The following EXTL3 variants were observed in gnomAD, a reference collection of about 807,000 sequenced individuals.
EXTL3 encodes the protein exostosin like glycosyltransferase 3, also known as exostosin-like 3.
Under a neutral mutation model 69.3 loss-of-function variants are expected in EXTL3, and 27 were observed. The ratio of observed to expected loss-of-function variants is 0.39; its 90% confidence interval spans 0.29 to 0.54. The LOEUF is 0.54. Among genes scored for constraint, EXTL3 ranks in the 20% least tolerant of loss-of-function variants. The probability of loss-of-function intolerance (pLI) is 0.69; values close to 1 mark genes in which losing one functional copy is unlikely to be tolerated. For missense variants in EXTL3, 1,003 were observed against 1,231.8 expected, an observed-to-expected ratio of 0.81 and a Z score of 2.78; for synonymous variants, 511 against 499.4, an observed-to-expected ratio of 1.02 and a Z score of -0.31.
At chr8:28,746,817 A>G (rs1175731205) in intron 6 of EXTL3, among the ~76,000 whole-genome samples, 2 of 152,274 alleles carry the variant, frequency 1.3e-5, no homozygotes, top group Middle Eastern at 3.4e-3. Context: ...CTGGGACTAT[A>G]GGCGTGTGCC....
intron 1 of EXTL3, among the ~76,000 whole-genome samples, chr8:28,636,735 G>A (rs541223213): frequency 2.0e-5 from 3 of 152,286 alleles, no homozygotes; most frequent in East Asian, 1.9e-4. Flanking sequence ...GCAGGTTGGC[G>A]CGTGGTGGCT....
chr8:28,614,748 A>C (rs996410019), intron 2 of EXTL3, among the ~76,000 whole-genome samples: 6 of 152,196 alleles, frequency 3.9e-5, no homozygotes, highest in Admixed American at 1.3e-4. Flanking sequence ...ATTTTCATTT[A>C]GTTCAAAATG....
intron 1 of EXTL3, among the ~76,000 whole-genome samples, chr8:28,676,398 C>G (rs944316114): frequency 1.3e-5 from 2 of 152,060 alleles, no homozygotes; most frequent in Non-Finnish European, 2.9e-5. Flanking sequence ...TAGCTGGATC[C>G]CAGGGTGGCA....
intron 1 of EXTL3, chr8:28,631,543 A>G (rs977111948): frequency 6.6e-6 from 1 of 152,234 alleles, no homozygotes; most frequent in Non-Finnish European, 1.5e-5. Flanking sequence ...TGTTAAAACA[A>G]GAATAGAGTA....
intron 3 of EXTL3, among the ~76,000 whole-genome samples, chr8:28,727,290 T>G (rs1261302845): frequency 6.6e-6 from 1 of 152,204 alleles, no homozygotes; most frequent in Non-Finnish European, 1.5e-5. Flanking sequence ...TGAGCAGAGA[T>G]GGCAGGCGCC....
chr8:28,629,162 A>G (rs1003201419), intron 1 of EXTL3, among the ~76,000 whole-genome samples: 1 of 51,378 alleles, frequency 1.9e-5, no homozygotes, highest in Non-Finnish European at 4.1e-5. Context: ...CCCCACCCCC[A>G]CCCTCCAATT....
chr8:28,703,436 A>G (rs974464517), intron 1 of EXTL3, among the ~76,000 whole-genome samples: 4 of 152,164 alleles, frequency 2.6e-5, no homozygotes, highest in African/African-American at 7.2e-5. Flanking sequence ...CAGGCCGAGC[A>G]TGGGAAATGT....
intron 5 of EXTL3, among the ~76,000 whole-genome samples, chr8:28,738,723 C>T (rs1801708419): frequency 6.6e-6 from 1 of 152,266 alleles, no homozygotes; most frequent in Admixed American, 6.5e-5. Flanking sequence ...CATTTCCCCA[C>T]ATCTGTGCTT....
At chr8:28,685,449 T>G (rs565406664) in intron 1 of EXTL3, among the ~76,000 whole-genome samples, 2 of 151,968 alleles carry the variant, frequency 1.3e-5, no homozygotes, top group Admixed American at 1.3e-4. Flanking sequence ...TGCCCTTGCT[T>G]TTTTTGACGA....
At chr8:28,621,545 G>A (rs1438588857), upstream of EXTL3, among the ~76,000 whole-genome samples, 1 of 152,206 alleles carries the variant, frequency 6.6e-6, no homozygotes, top group East Asian at 1.9e-4. Flanking sequence ...CCTGCTAAAT[G>A]TACTTTTCCA....
At chr8:28,629,758 T>C (rs1806545503) in intron 1 of EXTL3, among the ~76,000 whole-genome samples, 1 of 152,120 alleles carries the variant, frequency 6.6e-6, no homozygotes, top group African/African-American at 2.4e-5. Flanking sequence ...GGAATCCTGT[T>C]GGTGTAACTT....
At position 28,717,255 on chromosome 8, in the gene EXTL3, C is replaced by A; in HGVS notation, c.1196C>A (p.Thr399Asn). Reference protein sequence around the residue: ...SKLDQVLVEFTCKNQPKPSLP... With the variant: ...SKLDQVLVEFNCKNQPKPSLP... ...CTGGATCAGGTCCTGGTGGAATTCA[C>A]CTGCAAAAACCAGCCCAAACCCAGC... Residue 399 changes from threonine (T) to asparagine (N), a missense_variant, in exon 3 of 7, where the codon ACC (threonine) becomes AAC (asparagine). Thr to Asn is a moderately conservative substitution (Grantham distance 65, BLOSUM62 0). Coordinates refer to ENST00000220562, the MANE Select transcript of EXTL3 (RefSeq NM_001440.4). The surrounding 1 kb of genome is among the most constrained non-coding windows in gnomAD (Gnocchi z 8.3). 6.2e-7 allele frequency: 1 copy of A among 1,614,226 alleles called. No homozygotes were observed. The highest frequency in any genetic ancestry group is 8.5e-7 in the Non-Finnish European group (1 of 1,180,044).
chr8:28,709,752 G>C (rs146173777), intron 1 of EXTL3, among the ~76,000 whole-genome samples: 6 of 152,184 alleles, frequency 3.9e-5, no homozygotes, highest in African/African-American at 1.4e-4. Context: ...AAGCAAGGCC[G>C]TGAGTAATGT....
In EXTL3 at chr8:28,751,989, G is replaced by A. The variant is rs1297862988; in HGVS notation, c.*1123G>A. 6.6e-6 allele frequency: 1 copy of A among 152,362 alleles called. No homozygotes were observed. Among genetic ancestry groups the A allele is most frequent in the African/African-American group, 2.4e-5 (1 of 41,448 alleles). 9.4% of individuals were successfully genotyped at this position (152,362 alleles called of 1,614,324 possible). A position where few individuals can be genotyped will look rare whatever the true frequency, so the allele number is the denominator to read the frequency against. On this transcript the variant is annotated 3_prime_UTR_variant, in exon 7 of 7. Transcript: ENST00000220562. ...GGCGCCTGCCTTGGGATAATTCCTT[G>A]GTGAAATTCACCTTCCCCCCGCCTC...
In EXTL3 at chr8:28,751,764, T is replaced by C. The variant is rs1348455194; in HGVS notation, c.*898T>C. Reference sequence around the variant, plus strand: ...CGCCACTCCCAGATGGCTCTTTCTATCCTGCTCTTCTGTTGAAACACACGT... The same window carrying C: ...CGCCACTCCCAGATGGCTCTTTCTACCCTGCTCTTCTGTTGAAACACACGT... On this transcript the variant is annotated 3_prime_UTR_variant, in exon 7 of 7. Transcript: ENST00000220562. The C allele has an allele frequency of 6.6e-6, 1 of 152,410 alleles. No individual in the cohort carries two copies. The highest frequency in any genetic ancestry group is 1.9e-4 in the East Asian group (1 of 5,188). 9.4% of individuals were successfully genotyped at this position (152,410 alleles called of 1,614,324 possible).
intron 3 of EXTL3, among the ~76,000 whole-genome samples, chr8:28,729,741 C>T (rs1801496538): frequency 6.6e-6 from 1 of 151,724 alleles, no homozygotes; most frequent in Non-Finnish European, 1.5e-5. Context: ...TGGCTCATGC[C>T]TGTAATCCTT....
intron 6 of EXTL3, among the ~76,000 whole-genome samples, chr8:28,747,444 G>T (rs1339866831): frequency 6.6e-6 from 1 of 152,014 alleles, no homozygotes; most frequent in Non-Finnish European, 1.5e-5. Flanking sequence ...CTGGGACCTG[G>T]GCTCTGACGG....
intron 1 of EXTL3, among the ~76,000 whole-genome samples, chr8:28,695,915 ATTAT>A (rs1317612410): frequency 6.6e-6 from 1 of 152,072 alleles, no homozygotes; most frequent in African/African-American, 2.4e-5. Flanking sequence ...TTGAGTGCCA[ATTAT>A]TTATTTTTAT....
Position 28,716,863 on chromosome 8 carries a change from G to T in EXTL3, c.804G>T (p.Thr268=), listed in dbSNP as rs17059326. Residue 268 remains threonine (T), a synonymous_variant, in exon 3 of 7, where the codon ACG becomes ACT. Coordinates refer to ENST00000220562, the MANE Select transcript of EXTL3 (RefSeq NM_001440.4). This position sits in a 1 kb window ranked among gnomAD's most constrained non-coding sequence, Gnocchi z 7.1. ...TGTATTCCCTGCCACACTGGCGGAC[G>T]GATGGACACAACCATGTCATCATCA... is the stretch of plus-strand genomic sequence containing the variant. ...KQLYSLPHWR[T]DGHNHVIINL... The T allele has an allele frequency of 1.9e-6, 3 of 1,614,090 alleles. No homozygotes were observed. In the African/African-American group the frequency reaches 4.0e-5, roughly 22 times the overall value.
Sources: allele counts gnomAD v4.1 joint callset (sites outside exome capture counted in the v4.1 genomes callset), GRCh38; gene constraint gnomAD v4.1.1; non-coding constraint Gnocchi (gnomAD v3.1); transcripts MANE v1.5; gene names NCBI Gene and HGNC (gene_info 2026-07-23, HGNC 2026-07-21).